Variants in MAFK observed in about 807,000 individuals in gnomAD.
MAFK encodes the protein MAF bZIP transcription factor K.
A neutral mutation model predicts 9.2 loss-of-function variants in MAFK; 1 was observed. The ratio of observed to expected loss-of-function variants is 0.11; its 90% CI spans 0.04 to 0.52. The LOEUF is 0.52. MAFK is among the 20% of genes least tolerant of loss of function. The probability of loss-of-function intolerance (pLI) is 0.94; values close to 1 mark genes in which losing one functional copy is unlikely to be tolerated. For missense variants in MAFK, 207 were observed against 236.0 expected (o/e 0.88, Z 0.81); for synonymous variants, 110 against 107.4 (o/e 1.02, Z -0.15).
rs1410184289 is a variant in MAFK at position 1,532,444 on chromosome 7, C to T, written c.-45+1546C>T. Among the ~76,000 whole-genome samples, 1 of 152,222 alleles carries T rather than the reference C, an allele frequency of 6.6e-6. No homozygotes were observed. The highest frequency in any genetic ancestry group is 1.9e-4 in the East Asian group (1 of 5,194). On this transcript the variant is annotated intron_variant, in intron 1 of 2. Coordinates refer to ENST00000343242, the MANE Select transcript of MAFK (RefSeq NM_002360.4). This position sits in a 1 kb window ranked among gnomAD's most constrained non-coding sequence, Gnocchi z 4.5. The stretch of plus-strand genomic sequence containing the variant: ...GAGGGAGTCTGCTTTTAAAACTAGA[C>T]CTCTCATTATTCCAAAATAAGACAT...
rs1455139836 is a variant in MAFK, at chr7:1,534,216, G to A, written c.-45+3318G>A. ...TGTCCGGGACAGCCGGACAGTGGGG[G>A]CCCTCGCAGTGTAGGACCTCATCCT... On this transcript the variant is annotated intron_variant, in intron 1 of 2. Transcript: ENST00000343242. This position sits in a 1 kb window ranked among gnomAD's most constrained non-coding sequence, Gnocchi z 4.3. 1 of 455,080 alleles carries A rather than the reference G, an allele frequency of 2.2e-6. No individual in the cohort carries two copies. Among genetic ancestry groups the A allele is most frequent in the Non-Finnish European group, 4.4e-6 (1 of 226,066 alleles). 28.2% of individuals were successfully genotyped at this position (455,080 alleles called of 1,614,324 possible). A position where few individuals can be genotyped will look rare whatever the true frequency, so the allele number is the denominator to read the frequency against.
In MAFK at chr7:1,538,243, G is replaced by C. The variant is rs555915451; in HGVS notation, c.-44-906G>C. 659 of 984,692 alleles carry C rather than the reference G, an allele frequency of 6.7e-4. 2 individuals carry two copies. The highest frequency in any genetic ancestry group is 7.5e-4 in the Non-Finnish European group (622 of 829,240). 61.0% of individuals were successfully genotyped at this position (984,692 alleles called of 1,614,324 possible). A position where few individuals can be genotyped will look rare whatever the true frequency, so the allele number is the denominator to read the frequency against. ...TGATTAGAATGTGTGACACAATGCA[G>C]ACGTGAGGACGGCGGGGGCGGCGGC... On this transcript the variant is annotated intron_variant, in intron 1 of 2. Coordinates refer to ENST00000343242, the MANE Select transcript of MAFK (RefSeq NM_002360.4).
Position 1,542,150 on chromosome 7 carries a change from CG to C in MAFK, c.*1776del, listed in dbSNP as rs2128553127. On this transcript the variant is annotated 3_prime_UTR_variant, in exon 3 of 3. Coordinates refer to ENST00000343242, the MANE Select transcript of MAFK (RefSeq NM_002360.4). The stretch of plus-strand genomic sequence containing the variant: ...AAAGGCCTGCGTGTTCCCAAACAGC[CG>C]TTGCCCCCGTGGCCGTGGTAGGTAA... 1 of 152,500 alleles carries C rather than the reference CG, an allele frequency of 6.6e-6. No homozygotes were observed. Among genetic ancestry groups the C allele is most frequent in the Non-Finnish European group, 1.5e-5 (1 of 68,032 alleles). The allele number at this position is 152,500 out of a possible 1,614,324, so 9.4% of individuals were successfully genotyped here.
At position 1,539,206 on chromosome 7, in the gene MAFK, C is replaced by G. The variant is rs556535422; in HGVS notation, c.14C>G (p.Pro5Arg). 14 of 1,612,108 alleles carry G rather than the reference C, an allele frequency of 8.7e-6. No individual in the cohort carries two copies. Among genetic ancestry groups the G allele is most frequent in the Admixed American group, 6.7e-5 (4 of 59,540 alleles). MTTNPKPNKALKVKK... is the reference protein window; with the variant it reads MTTNRKPNKALKVKK... ...CGTGCCCGGGTTATGACGACTAATC[C>G]CAAACCGAATAAGGCATTAAAGGTA... is the stretch of plus-strand genomic sequence containing the variant. The change falls in exon 2 of 3, where the codon CCC becomes CGC. Residue 5 changes from proline to arginine, a missense_variant. Coordinates refer to ENST00000343242, the MANE Select transcript of MAFK (RefSeq NM_002360.4).
In MAFK at chr7:1,542,214, A is replaced by G. The variant is rs1190339045; in HGVS notation, c.*1839A>G. ...GTCATAAGGACCAGGGGGATATTTAAAGAGAGAAACAGAAAATATATAGAG... is the reference window on the plus strand; with the variant it reads ...GTCATAAGGACCAGGGGGATATTTAGAGAGAGAAACAGAAAATATATAGAG... On this transcript the variant is annotated 3_prime_UTR_variant, in exon 3 of 3. Coordinates refer to ENST00000343242, the MANE Select transcript of MAFK (RefSeq NM_002360.4). 1 of 152,564 alleles carries G rather than the reference A, an allele frequency of 6.6e-6. No homozygotes were observed. Among genetic ancestry groups the G allele is most frequent in the African/African-American group, 2.4e-5 (1 of 41,476 alleles). The allele number at this position is 152,564 out of a possible 1,614,324, so 9.5% of individuals were successfully genotyped here. A position where few individuals can be genotyped will look rare whatever the true frequency, so the allele number is the denominator to read the frequency against.
In MAFK at chr7:1,540,233, A is replaced by G. The variant is rs747692810; in HGVS notation, c.329A>G (p.Lys110Arg). 1.2e-6 allele frequency: 2 copies of G among 1,605,534 alleles called. No individual in the cohort carries two copies. The highest frequency in any genetic ancestry group is 1.7e-6 in the Non-Finnish European group (2 of 1,176,916). The change falls in exon 3 of 3, where the codon AAG (lysine) becomes AGG (arginine). Residue 110 changes from lysine (K) to arginine (R), a missense_variant. Physicochemically the swap from Lys to Arg is conservative, Grantham distance 26. Coordinates refer to ENST00000343242, the MANE Select transcript of MAFK (RefSeq NM_002360.4). Reference sequence around the variant, plus strand: ...CTGGAGCTGGACGCCCTGCGCTCCAAGTACGAGGCGCTGCAGACCTTCGCG... The same window carrying G: ...CTGGAGCTGGACGCCCTGCGCTCCAGGTACGAGGCGCTGCAGACCTTCGCG... The part of the protein sequence containing the change: ...MRLELDALRS[K>R]YEALQTFART...
intron 1 of MAFK, chr7:1,537,430 C>T: frequency 1.0e-6 from 1 of 985,546 alleles, no homozygotes; most frequent in Non-Finnish European, 1.2e-6. Flanking sequence ...GAAGCGGTGC[C>T]CGCGGCCCCT....
chr7:1,531,198 G>C (rs1039527960), intron 1 of MAFK, among the ~76,000 whole-genome samples: 3 of 149,840 alleles, frequency 2.0e-5, no homozygotes, highest in African/African-American at 7.3e-5. Flanking sequence ...CCCCAGACCT[G>C]GGAGGACGAG....
chr7:1,535,085 C>T (rs200875953), intron 1 of MAFK, among the ~76,000 whole-genome samples: 354 of 111,792 alleles, frequency 3.2e-3, no homozygotes, highest in Middle Eastern at 6.9e-3. Flanking sequence ...ATTTAAAATT[C>T]TTTTTTTTTT....
Position 1,533,416 on chromosome 7 carries a change from G to GGTA in MAFK, c.-45+2520_-45+2522dup, listed in dbSNP as rs1379367234. ...CCAGAAGGATCTAGAACCAGGCCTT[G>GGTA]GTAGAGGGTGCTTGCCTACGCGAGG... On this transcript the variant is annotated intron_variant, in intron 1 of 2. Coordinates refer to ENST00000343242, the MANE Select transcript of MAFK (RefSeq NM_002360.4). Among the ~76,000 whole-genome samples, 7 of 152,346 alleles carry GGTA rather than the reference G, an allele frequency of 4.6e-5. No homozygotes were observed. The East Asian group carries it at 1.3e-3, about 29-fold the overall frequency.
chr7:1,539,796 C>G lies in MAFK; in HGVS notation c.37-145C>G, dbSNP rs934919145. On this transcript the variant is annotated intron_variant, in intron 2 of 2. Coordinates refer to ENST00000343242, the MANE Select transcript of MAFK (RefSeq NM_002360.4). ...ATGGGCTGCCTGCGTGCACAGTGTC[C>G]TGTGGTCCCTGGTGCGGATGGCGAA... 7.3e-6 allele frequency: 5 copies of G among 681,630 alleles called. No individual in the cohort carries two copies. The Admixed American group carries it at 8.8e-5, about 12-fold the overall frequency. The allele number at this position is 681,630 out of a possible 1,614,324, so 42.2% of individuals were successfully genotyped here.
chr7:1,540,396 T>C lies in MAFK; in HGVS notation c.*21T>C, dbSNP rs879087043. The C allele has an allele frequency of 7.9e-6, 2 of 252,380 alleles. No individual in the cohort carries two copies. The highest frequency in any genetic ancestry group is 9.3e-5 in the South Asian group (1 of 10,802). 15.6% of individuals were successfully genotyped at this position (252,380 alleles called of 1,614,324 possible). On this transcript the variant is annotated 3_prime_UTR_variant, in exon 3 of 3. Coordinates refer to ENST00000343242, the MANE Select transcript of MAFK (RefSeq NM_002360.4). ...CCTAGTGCCGGCCGGGGGCGGGGGG[T>C]GGCGGGCGGCGGGCGGCGGGCAGGC... is the stretch of plus-strand genomic sequence containing the variant.
rs1784148221 is a variant in MAFK, at chr7:1,540,395, G to T, written c.*20G>T. 8.2e-6 allele frequency: 12 copies of T among 1,464,522 alleles called. No individual in the cohort carries two copies. Among genetic ancestry groups the T allele is most frequent in the East Asian group, 2.5e-5 (1 of 39,724 alleles). The allele number at this position is 1,464,522 out of a possible 1,614,324, so 90.7% of individuals were successfully genotyped here. The stretch of plus-strand genomic sequence containing the variant: ...TCCTAGTGCCGGCCGGGGGCGGGGG[G>T]TGGCGGGCGGCGGGCGGCGGGCAGG... On this transcript the variant is annotated 3_prime_UTR_variant, in exon 3 of 3. Transcript: ENST00000343242.
chr7:1,537,749 C>T (rs750865427), intron 1 of MAFK: 187 of 965,410 alleles, frequency 1.9e-4, no homozygotes, highest in Non-Finnish European at 2.3e-4. Flanking sequence ...GGTGGGGCCC[C>T]CATCGGAGGC....
At chr7:1,535,164 G>A (rs1314231156) in intron 1 of MAFK, among the ~76,000 whole-genome samples, 3 of 145,132 alleles carry the variant, frequency 2.1e-5, no homozygotes, top group Non-Finnish European at 3.0e-5. Context: ...TCGAGCATTC[G>A]GCCTCCGGAG....
At position 1,540,272 on chromosome 7, in the gene MAFK, G is replaced by T; in HGVS notation, c.368G>T (p.Arg123Leu). Residue 123 changes from arginine to leucine, a missense_variant, in exon 3 of 3, where the codon CGG becomes CTG. Transcript: ENST00000343242. ...ALQTFARTVA[R>L]GPVAPSKVAT... ...CAGACCTTCGCGCGCACCGTGGCCCGGGGACCTGTGGCGCCCTCCAAGGTG... is the reference window on the plus strand; with the variant it reads ...CAGACCTTCGCGCGCACCGTGGCCCTGGGACCTGTGGCGCCCTCCAAGGTG... 1 of 1,611,156 alleles carries T rather than the reference G, an allele frequency of 6.2e-7. No homozygotes were observed. Among genetic ancestry groups the T allele is most frequent in the Non-Finnish European group, 8.5e-7 (1 of 1,179,170 alleles).
chr7:1,539,746 G>T (rs549663974), intron 2 of MAFK, among the ~76,000 whole-genome samples, 195 bp from the exon 3 acceptor site: 12 of 152,308 alleles, frequency 7.9e-5, no homozygotes, highest in African/African-American at 2.9e-4. Context: ...GTTCAGAAAG[G>T]GTCCTGTGGG....
At position 1,532,220 on chromosome 7, in the gene MAFK, C is replaced by A. The variant is rs974162486; in HGVS notation, c.-45+1322C>A. On this transcript the variant is annotated intron_variant, in intron 1 of 2. Transcript: ENST00000343242. This position sits in a 1 kb window ranked among gnomAD's most constrained non-coding sequence, Gnocchi z 4.5. ...GGGTTCTCCAACACAGAGTGGGGTG[C>A]CCTATGCAGCTTCTCCAAACCCAAT... Among the ~76,000 whole-genome samples, 2 of 152,192 alleles carry A rather than the reference C, an allele frequency of 1.3e-5. No individual in the cohort carries two copies. The highest frequency in any genetic ancestry group is 4.8e-5 in the African/African-American group (2 of 41,450).
chr7:1,532,154 A>G lies in MAFK; in HGVS notation c.-45+1256A>G, dbSNP rs1035500268. Among the ~76,000 whole-genome samples the G allele has an allele frequency of 6.6e-6, 1 of 152,092 alleles. No individual in the cohort carries two copies. The highest frequency in any genetic ancestry group is 2.4e-5 in the African/African-American group (1 of 41,420). On this transcript the variant is annotated intron_variant, in intron 1 of 2. Coordinates refer to ENST00000343242, the MANE Select transcript of MAFK (RefSeq NM_002360.4). The surrounding 1 kb of genome is among the most constrained non-coding windows in gnomAD (Gnocchi z 4.5). ...CCAGGGTGGGCTGCCAGGTCTCTTTACTGGCACTGAGGTTTCACCGTCACG... is the reference window on the plus strand; with the variant it reads ...CCAGGGTGGGCTGCCAGGTCTCTTTGCTGGCACTGAGGTTTCACCGTCACG...
Sources: gnomAD v4.1 joint callset for allele counts (sites outside exome capture counted in the v4.1 genomes callset) on GRCh38, gnomAD v4.1.1 for gene constraint, Gnocchi (gnomAD v3.1) non-coding constraint, MANE v1.5 for transcripts, NCBI Gene and HGNC (gene_info 2026-07-23, HGNC 2026-07-21) for gene names.